The following DNAH11 variants were observed in gnomAD, a reference collection of about 807,000 sequenced individuals.
DNAH11 encodes the protein dynein axonemal heavy chain 11.
DNAH11 carries 442 observed loss-of-function variants against 526.0 expected under a neutral mutation model. That is an observed-to-expected ratio of 0.84 (90% CI 0.78 to 0.91). DNAH11 has a LOEUF of 0.91. DNAH11 is among the 40% of genes least tolerant of loss of function. DNAH11 has a pLI of 0.00. For missense variants in DNAH11, 6,989 were observed against 5,448.7 expected (o/e 1.28, Z -8.90); for synonymous variants, 2,461 against 1,935.9 (o/e 1.27, Z -7.12).
intron 9 of DNAH11, among the ~76,000 whole-genome samples, chr7:21,582,672 G>C (rs1019313417): frequency 1.3e-5 from 2 of 151,762 alleles, no homozygotes; most frequent in African/African-American, 4.8e-5. Flanking sequence ...TATAATATGA[G>C]GAATAGCAAC....
At chr7:21,798,255 C>T (rs550107674) in intron 61 of DNAH11, among the ~76,000 whole-genome samples, 17 of 152,192 alleles carry the variant, frequency 1.1e-4, no homozygotes, top group African/African-American at 3.9e-4. Context: ...CCACCATGCC[C>T]GGCTAATTTT....
intron 35 of DNAH11, among the ~76,000 whole-genome samples, chr7:21,694,113 A>G (rs1415222763): frequency 6.6e-6 from 1 of 152,204 alleles, no homozygotes; most frequent in Non-Finnish European, 1.5e-5. Flanking sequence ...CTACAATTCA[A>G]CATGAGATTT....
chr7:21,789,160 T>A, intron 60 of DNAH11, 81 bp from the exon 61 acceptor site: 1 of 1,032,162 alleles, frequency 9.7e-7, no homozygotes. Context: ...ATTAGAGATT[T>A]TAATTGTAAA....
intron 27 of DNAH11, 113 bp downstream of exon 27, chr7:21,637,815 T>C: frequency 3.6e-6 from 2 of 555,050 alleles, no homozygotes; most frequent in Non-Finnish European, 5.9e-6. Context: ...TACTAAATTA[T>C]TTTGTAATTT....
intron 14 of DNAH11, 31 bp downstream of exon 14, chr7:21,591,608 G>C (rs1360108895): frequency 1.3e-6 from 2 of 1,497,640 alleles, no homozygotes; most frequent in Non-Finnish European, 1.8e-6. Context: ...AAGATTTATA[G>C]ATCTTTTCAT....
Position 21,717,796 on chromosome 7 carries a change from CAGA to C in DNAH11, c.7008_7010del (p.Arg2338del). The C allele has an allele frequency of 1.2e-6, 2 of 1,613,772 alleles. No homozygotes were observed. The highest frequency in any genetic ancestry group is 1.7e-6 in the Non-Finnish European group (2 of 1,179,790). ...TCAGGTATGTGGCCAGTTGGATAGA[CAGA>C]AGGCGGCATCAATCAGAAAAGGCCA... On this transcript the variant is annotated inframe_deletion, in exon 43 of 82. Transcript: ENST00000409508.
rs1250786544 is a variant in DNAH11 at position 21,738,865 on chromosome 7, T to G, written c.7810T>G (p.Trp2604Gly). The change falls in exon 47 of 82, where the codon TGG becomes GGG. Residue 2604 changes from tryptophan to glycine, a missense_variant and splice_region_variant. Physicochemically the swap from Trp to Gly is radical, Grantham distance 184. Transcript: ENST00000409508. ...CCGGCAGCATATTGATTATGGACAT[T>G]GGTAAGCAAGTCTCTGTAGTTTACT... ...LIRQHIDYGHWYDRQKVMLKE... is the reference protein window; with the variant it reads ...LIRQHIDYGHGYDRQKVMLKE... 6.3e-7 allele frequency: 1 copy of G among 1,590,844 alleles called. No homozygotes were observed. Among genetic ancestry groups the G allele is most frequent in the Non-Finnish European group, 8.5e-7 (1 of 1,170,556 alleles).
intron 44 of DNAH11, among the ~76,000 whole-genome samples, chr7:21,721,838 G>C (rs914796332): frequency 2.6e-5 from 4 of 152,144 alleles, no homozygotes; most frequent in African/African-American, 9.7e-5. Context: ...CCTCTCTCCA[G>C]TCCCTCTTAC....
At chr7:21,678,385 ACT>A (rs1356714922) in intron 30 of DNAH11, among the ~76,000 whole-genome samples, 1 of 151,110 alleles carries the variant, frequency 6.6e-6, no homozygotes, top group Admixed American at 6.6e-5. Flanking sequence ...TTATTTTTTA[ACT>A]CTCTATTCTG....
rs773720013 is a variant in DNAH11, at chr7:21,854,443, A to G, written c.11190A>G (p.Gln3730=). ...NDLQKINPLY[Q]FSLKAFNVLF... Reference sequence around the variant, plus strand: ...TCCAAAAAATCAACCCCCTCTACCAATTCTCTTTGAAGGTAATGCTGAATG... The same window carrying G: ...TCCAAAAAATCAACCCCCTCTACCAGTTCTCTTTGAAGGTAATGCTGAATG... Residue 3730 remains glutamine, a synonymous_variant, in exon 68 of 82, where the codon CAA becomes CAG. Coordinates refer to ENST00000409508, the MANE Select transcript of DNAH11 (RefSeq NM_001277115.2). 5.0e-6 allele frequency: 8 copies of G among 1,613,568 alleles called. No homozygotes were observed. Among genetic ancestry groups the G allele is most frequent in the African/African-American group, 4.0e-5 (3 of 74,902 alleles).
At chr7:21,728,370 G>A (rs1316184139) in intron 45 of DNAH11, among the ~76,000 whole-genome samples, 1 of 144,606 alleles carries the variant, frequency 6.9e-6, no homozygotes, top group Admixed American at 7.2e-5. Flanking sequence ...CAATTCTCCT[G>A]CCTCAGCCTC....
At position 21,901,344 on chromosome 7, in the gene DNAH11, CT is replaced by C. The variant is rs1784831532; in HGVS notation, c.*95del. The C allele has an allele frequency of 1.2e-5, 17 of 1,384,646 alleles. 1 individual carries two copies. The South Asian group carries it at 3.4e-4, about 27-fold the overall frequency. The allele number at this position is 1,384,646 out of a possible 1,614,324, so 85.8% of individuals were successfully genotyped here. ...ACTGTTCCCATGCACATTATTCTAA[CT>C]TTTTAGTAACTCACACGTGCATTCT... On this transcript the variant is annotated 3_prime_UTR_variant, in exon 82 of 82. Transcript: ENST00000409508.
Position 21,696,390 on chromosome 7 carries a change from C to G in DNAH11, c.6042-1685C>G, listed in dbSNP as rs141374642. ...TTTCCCTAATAGTTAATCAATTGTG[C>G]TAACATCTTGTATTGAATGTTTTTC... On this transcript the variant is annotated intron_variant, in intron 35 of 81. Coordinates refer to ENST00000409508, the MANE Select transcript of DNAH11 (RefSeq NM_001277115.2). Among the ~76,000 whole-genome samples the G allele has an allele frequency of 1.9e-3, 288 of 152,264 alleles. 13 individuals are homozygous for G. In the East Asian group the frequency reaches 0.041, roughly 21 times the overall value.
chr7:21,899,875 C>CTAAAACACCCTA, intron 80 of DNAH11, 105 bp from the exon 81 acceptor site: 1 of 1,415,194 alleles, frequency 7.1e-7, no homozygotes, highest in Non-Finnish European at 9.5e-7. Flanking sequence ...GCCCAAGAAC[C>CTAAAACACCCTA]TAAAACACCC....
At chr7:21,593,155 C>T (rs1026732661) in intron 14 of DNAH11, among the ~76,000 whole-genome samples, 1 of 152,066 alleles carries the variant, frequency 6.6e-6, no homozygotes, top group African/African-American at 2.4e-5. Flanking sequence ...ACAGAGGATA[C>T]TGAAAAAGAG....
Position 21,570,113 on chromosome 7 carries a change from A to G in DNAH11, c.1239A>G (p.Ile413Met). 2 of 1,612,606 alleles carry G rather than the reference A, an allele frequency of 1.2e-6. No homozygotes were observed. The change falls in exon 7 of 82, where the codon ATA becomes ATG. Residue 413 changes from isoleucine to methionine, a missense_variant. By Grantham distance (10) the Ile-to-Met change is conservative. Coordinates refer to ENST00000409508, the MANE Select transcript of DNAH11 (RefSeq NM_001277115.2). The part of the protein sequence containing the change: ...LSPEDLLRGE[I>M]EESLEKVQVA... ...CTGAGGACCTTTTGAGGGGAGAAAT[A>G]GAAGAGTCACTGGAAAAGGTGCAGG...
rs752311298 is a variant in DNAH11, at chr7:21,559,616, G to A, written c.706G>A (p.Glu236Lys). The change falls in exon 4 of 82, where the codon GAA becomes AAA. Residue 236 changes from glutamate (E) to lysine (K), a missense_variant. Coordinates refer to ENST00000409508, the MANE Select transcript of DNAH11 (RefSeq NM_001277115.2). The stretch of plus-strand genomic sequence containing the variant: ...TAATGTTTGTAGGCCACCGTCAAAC[G>A]AAAGGATAATACTTCATGCAATTGA... ...NCSENKPPSNERIILHAIESV... is the reference protein window; with the variant it reads ...NCSENKPPSNKRIILHAIESV... 15 of 1,602,430 alleles carry A rather than the reference G, an allele frequency of 9.4e-6. No individual in the cohort carries two copies. Among genetic ancestry groups the A allele is most frequent in the East Asian group, 2.2e-5 (1 of 44,546 alleles).
Position 21,561,179 on chromosome 7 carries a change from C to G in DNAH11, c.982+9C>G, listed in dbSNP as rs1783446940. 1 of 1,567,598 alleles carries G rather than the reference C, an allele frequency of 6.4e-7. No homozygotes were observed. Among genetic ancestry groups the G allele is most frequent in the Admixed American group, 1.8e-5 (1 of 55,030 alleles). ...TCTGGCTGTGGAAAATGGTAAGACT[C>G]TTGTTCCTCAGCCTGGCATCAATAT... On this transcript the variant is annotated intron_variant, in intron 5 of 81. Transcript: ENST00000409508.
intron 2 of DNAH11, among the ~76,000 whole-genome samples, chr7:21,553,033 C>G (rs1222474520): frequency 6.9e-6 from 1 of 144,866 alleles, no homozygotes; most frequent in Non-Finnish European, 1.5e-5. Context: ...CCCTTTATTA[C>G]TAGCTGGTGA....
Sources: allele counts gnomAD v4.1 joint callset (sites outside exome capture counted in the v4.1 genomes callset), GRCh38; gene constraint gnomAD v4.1.1; transcripts MANE v1.5; gene names NCBI Gene and HGNC (gene_info 2026-07-23, HGNC 2026-07-21).